JADE2: variants seen among roughly 807,000 people sequenced by gnomAD.
The protein encoded by JADE2 is E3 ubiquitin-protein ligase Jade-2.
A neutral mutation model predicts 85.7 loss-of-function variants in JADE2; 13 were observed. The ratio of observed to expected loss-of-function variants is 0.15; its 90% confidence interval spans 0.10 to 0.24. The LOEUF (loss-of-function observed/expected upper bound fraction) is 0.24, where lower values mean the gene tolerates loss of function less well. Among genes scored for constraint, JADE2 ranks in the 10% least tolerant of loss-of-function variants. The pLI is 1.00. For synonymous variants in JADE2, 440 were observed against 456.1 expected, an observed-to-expected ratio of 0.96 and a Z score of 0.45; for missense variants, 846 against 1,115.9, an observed-to-expected ratio of 0.76 and a Z score of 3.45.
At chr5:134,571,502 G>A (rs142158965) in intron 9 of JADE2, among the ~76,000 whole-genome samples, 8 of 152,258 alleles carry the variant, frequency 5.3e-5, no homozygotes, top group East Asian at 1.9e-4. Context: ...TTCAAGACTA[G>A]CCTGGCCAAC....
intron 10 of JADE2, 27 bp downstream of exon 10, chr5:134,573,789 C>T: frequency 7.7e-7 from 1 of 1,302,376 alleles, no homozygotes; most frequent in Non-Finnish European, 1.1e-6. Context: ...CCTGCCGCCG[C>T]CACCTCCCTG....
intron 1 of JADE2, among the ~76,000 whole-genome samples, chr5:134,535,639 G>A (rs1761537159): frequency 6.6e-6 from 1 of 152,078 alleles, no homozygotes; most frequent in Non-Finnish European, 1.5e-5. Context: ...CAAGGGCTCT[G>A]GGCTCAGGAG....
chr5:134,568,396 C>T (rs1041738672), intron 9 of JADE2, among the ~76,000 whole-genome samples: 1 of 152,170 alleles, frequency 6.6e-6, no homozygotes, highest in East Asian at 1.9e-4. Flanking sequence ...ATCCCTTTTT[C>T]AGTCCCCTAA....
Position 134,566,731 on chromosome 5 carries a change from G to GCTGA in JADE2, c.1434+152_1434+155dup, listed in dbSNP as rs1010451791. The GCTGA allele has an allele frequency of 1.5e-6, 1 of 645,208 alleles. No individual in the cohort carries two copies. Among genetic ancestry groups the GCTGA allele is most frequent in the African/African-American group, 1.8e-5 (1 of 54,634 alleles). 40.0% of individuals were successfully genotyped at this position (645,208 alleles called of 1,614,324 possible). ...CCCTGCTGCAGGAGCCTGCCAAGGG[G>GCTGA]CTGAGGGCTTTCAGGTCCCAAAGAG... is the stretch of plus-strand genomic sequence containing the variant. On this transcript the variant is annotated intron_variant, in intron 9 of 11. Transcript: ENST00000681547. The surrounding 1 kb of genome is among the most constrained non-coding windows in gnomAD (Gnocchi z 6.7).
chr5:134,534,099 T>C (rs1222025787), intron 1 of JADE2, among the ~76,000 whole-genome samples: 1 of 152,150 alleles, frequency 6.6e-6, no homozygotes, highest in African/African-American at 2.4e-5. Context: ...GTTTGTACTC[T>C]GCTGCGCAGA....
chr5:134,525,600 C>T, upstream of JADE2: 1 of 313,052 alleles, frequency 3.2e-6, no homozygotes, highest in Non-Finnish European at 6.1e-6. Flanking sequence ...CCCGCCCCCA[C>T]CCCACCCCCA....
chr5:134,537,318 G>C (rs1761656525), intron 2 of JADE2, among the ~76,000 whole-genome samples: 1 of 152,148 alleles, frequency 6.6e-6, no homozygotes, highest in African/African-American at 2.4e-5. Context: ...ATCCAGCAAG[G>C]GCCTTAGACC....
chr5:134,580,955 CA>C lies in JADE2; in HGVS notation c.*1639del, dbSNP rs1328746036. The C allele has an allele frequency of 6.6e-6, 1 of 152,588 alleles. No individual in the cohort carries two copies. Among genetic ancestry groups the C allele is most frequent in the South Asian group, 2.1e-4 (1 of 4,830 alleles). 9.5% of individuals were successfully genotyped at this position (152,588 alleles called of 1,614,324 possible). On this transcript the variant is annotated 3_prime_UTR_variant, in exon 12 of 12. Coordinates refer to ENST00000681547, the MANE Select transcript of JADE2 (RefSeq NM_001388185.1). ...AGGGGAAAGATACTGACGGTGAAAC[CA>C]GCATGGAAAACGTCTTTACCATGTG...
At chr5:134,551,930 A>T in intron 3 of JADE2, 122 bp from the exon 4 acceptor site, 1 of 887,988 alleles carries the variant, frequency 1.1e-6, no homozygotes, top group Non-Finnish European at 1.9e-6. Context: ...ATTTCGTCTT[A>T]TTTCTAAGTG....
Position 134,566,869 on chromosome 5 carries a change from G to A in JADE2, c.1434+289G>A, listed in dbSNP as rs961385576. ...TGGTGAATGGTGGGGGCCCTGCCAA[G>A]GTCATGAGGCTGAGAGCACCAGAGC... On this transcript the variant is annotated intron_variant, in intron 9 of 11. Coordinates refer to ENST00000681547, the MANE Select transcript of JADE2 (RefSeq NM_001388185.1). This position sits in a 1 kb window ranked among gnomAD's most constrained non-coding sequence, Gnocchi z 6.7. 6.6e-5 allele frequency among the ~76,000 whole-genome samples: 10 copies of A among 152,228 alleles called. No individual in the cohort carries two copies. Among genetic ancestry groups the A allele is most frequent in the South Asian group, 2.1e-4 (1 of 4,836 alleles).
intron 1 of JADE2, 84 bp downstream of exon 1, chr5:134,526,095 T>C (rs997741191): frequency 4.1e-5 from 40 of 983,662 alleles, no homozygotes; most frequent in Non-Finnish European, 4.6e-5. Flanking sequence ...CCAGCGCTCT[T>C]CGCTCCCTCG....
At chr5:134,543,112 G>T (rs1762075193) in intron 3 of JADE2, among the ~76,000 whole-genome samples, 1 of 149,930 alleles carries the variant, frequency 6.7e-6, no homozygotes, top group Non-Finnish European at 1.5e-5. Flanking sequence ...TCGGCTCACT[G>T]CAACCTCCAT....
chr5:134,526,788 C>T, intron 1 of JADE2: 1 of 983,898 alleles, frequency 1.0e-6, no homozygotes. Context: ...AGCCTCGGCG[C>T]CAGGGGTGAG....
At position 134,579,944 on chromosome 5, in the gene JADE2, G is replaced by C. The variant is rs1765795948; in HGVS notation, c.*627G>C. On this transcript the variant is annotated 3_prime_UTR_variant, in exon 12 of 12. Coordinates refer to ENST00000681547, the MANE Select transcript of JADE2 (RefSeq NM_001388185.1). The surrounding 1 kb of genome is among the most constrained non-coding windows in gnomAD (Gnocchi z 4.6). ...CATCTGAGGCCTGCCTGCCCACCCT[G>C]CCACCCTCCCCTCCCTTGCTGCTCT... 1 of 153,112 alleles carries C rather than the reference G, an allele frequency of 6.5e-6. No homozygotes were observed. The highest frequency in any genetic ancestry group is 2.4e-5 in the African/African-American group (1 of 41,418). The allele number at this position is 153,112 out of a possible 1,614,324, so 9.5% of individuals were successfully genotyped here.
At chr5:134,576,617 A>AT (rs1764381050) in intron 10 of JADE2, 151 bp from the exon 11 acceptor site, 1 of 987,548 alleles carries the variant, frequency 1.0e-6, no homozygotes, top group African/African-American at 1.6e-5. Context: ...CCACCCCACC[A>AT]TGCCAGCCAT....
chr5:134,554,854 C>G (rs1762816794), intron 4 of JADE2, among the ~76,000 whole-genome samples: 1 of 152,202 alleles, frequency 6.6e-6, no homozygotes, highest in South Asian at 2.1e-4. Context: ...TTAGAGAAAC[C>G]CTGTTCTTGA....
intron 3 of JADE2, among the ~76,000 whole-genome samples, chr5:134,540,057 G>T (rs1398808283): frequency 6.6e-6 from 1 of 152,086 alleles, no homozygotes; most frequent in Non-Finnish European, 1.5e-5. Context: ...GGAGGTGGGG[G>T]TGGGACAGTG....
Position 134,526,001 on chromosome 5 carries a change from C to G in JADE2, c.-11C>G. On this transcript the variant is annotated 5_prime_UTR_variant, in exon 1 of 12. Coordinates refer to ENST00000681547, the MANE Select transcript of JADE2 (RefSeq NM_001388185.1). The stretch of plus-strand genomic sequence containing the variant: ...AGGGCAGCGCCCGTCAGGGGGGCAC[C>G]GCGGAGCAAGGTAAGATCCAGCCCC... 1 of 985,546 alleles carries G rather than the reference C, an allele frequency of 1.0e-6. No homozygotes were observed. The highest frequency in any genetic ancestry group is 5.2e-4 in the Middle Eastern group (1 of 1,912). 61.1% of individuals were successfully genotyped at this position (985,546 alleles called of 1,614,324 possible).
intron 3 of JADE2, among the ~76,000 whole-genome samples, chr5:134,538,887 C>G (rs1173509553): frequency 2.0e-5 from 3 of 150,230 alleles, no homozygotes; most frequent in Non-Finnish European, 4.4e-5. Context: ...GACTGAGGTT[C>G]TCTCTGTTCC....
Sources: gnomAD v4.1 joint callset for allele counts (sites outside exome capture counted in the v4.1 genomes callset) on GRCh38, gnomAD v4.1.1 for gene constraint, Gnocchi (gnomAD v3.1) non-coding constraint, MANE v1.5 for transcripts, NCBI Gene and HGNC (gene_info 2026-07-23, HGNC 2026-07-21) for gene names.